PPP2R2B: variants seen among roughly 807,000 people sequenced by gnomAD.
PPP2R2B encodes protein phosphatase 2 regulatory subunit Bbeta.
PPP2R2B carries 5 observed loss-of-function variants against 46.0 expected under a neutral mutation model. That is an observed-to-expected ratio of 0.11 (90% confidence interval 0.06 to 0.23). The LOEUF is 0.23. Among genes scored for constraint, PPP2R2B ranks in the 10% least tolerant of loss-of-function variants. The pLI is 1.00. For missense variants in PPP2R2B, 367 were observed against 575.0 expected (o/e 0.64, Z 3.70); for synonymous variants, 215 against 206.7 (o/e 1.04, Z -0.34).
At chr5:146,748,649 G>C (rs1041173523) in intron 2 of PPP2R2B, among the ~76,000 whole-genome samples, 2 of 152,172 alleles carry the variant, frequency 1.3e-5, no homozygotes, top group African/African-American at 4.8e-5. Context: ...TTTGGAATTG[G>C]CTTTTTTTTC....
intron 1 of PPP2R2B, among the ~76,000 whole-genome samples, chr5:147,045,433 T>A (rs977299238): frequency 6.6e-6 from 1 of 152,138 alleles, no homozygotes; most frequent in African/African-American, 2.4e-5. Flanking sequence ...CAAAAGGCTA[T>A]ACCATATAGC....
intron 2 of PPP2R2B, among the ~76,000 whole-genome samples, chr5:146,770,071 G>A (rs1365443387): frequency 6.6e-6 from 1 of 152,102 alleles, no homozygotes; most frequent in Admixed American, 6.5e-5. Context: ...GCTCATGCCT[G>A]TAATCCTAGC....
chr5:146,689,365 T>C lies in PPP2R2B; in HGVS notation c.447+1763A>G, dbSNP rs34603081. ...CAATAACACTGGTTCCATAAGATTA[T>C]AATACTGTATTTGTACTGTGTCTTT... On this transcript the variant is annotated intron_variant, in intron 5 of 9. Coordinates refer to ENST00000394411, the MANE Select transcript of PPP2R2B (RefSeq NM_181675.4). Among the ~76,000 whole-genome samples, 1,301 of 152,354 alleles carry C rather than the reference T, an allele frequency of 8.5e-3. 8 individuals carry two copies. Among genetic ancestry groups the C allele is most frequent in the Admixed American group, 0.014 (214 of 15,304 alleles).
rs79855607 is a variant in PPP2R2B, at chr5:146,845,629, G to A, written c.70+32373C>T. ...GTAAGCTGAAGAACAGACACTGTGC[G>A]TGGTCAGCTCATGATTAGAGCTCCA... On this transcript the variant is annotated intron_variant, in intron 2 of 9. Coordinates refer to ENST00000394411, the MANE Select transcript of PPP2R2B (RefSeq NM_181675.4). Among the ~76,000 whole-genome samples, 179 of 152,276 alleles carry A rather than the reference G, an allele frequency of 1.2e-3. 4 individuals carry two copies. The South Asian group carries it at 0.028, about 23-fold the overall frequency.
chr5:146,685,432 A>G (rs1457507749), intron 5 of PPP2R2B, among the ~76,000 whole-genome samples: 1 of 152,242 alleles, frequency 6.6e-6, no homozygotes, highest in Non-Finnish European at 1.5e-5. Context: ...CACAGTTGCT[A>G]CTATTAGTAA....
At chr5:146,906,273 AAATT>A (rs1762992791) in intron 1 of PPP2R2B, among the ~76,000 whole-genome samples, 1 of 151,926 alleles carries the variant, frequency 6.6e-6, no homozygotes, top group Non-Finnish European at 1.5e-5. Flanking sequence ...TATATTATTA[AAATT>A]AATTTCACCT....
intron 5 of PPP2R2B, among the ~76,000 whole-genome samples, chr5:146,665,904 G>C (rs1048081679): frequency 3.3e-5 from 5 of 152,202 alleles, no homozygotes; most frequent in African/African-American, 1.2e-4. Flanking sequence ...ATGAGCACAT[G>C]CTGCTCGAAA....
chr5:146,923,565 A>G (rs1029319371), intron 1 of PPP2R2B, among the ~76,000 whole-genome samples: 1 of 152,210 alleles, frequency 6.6e-6, no homozygotes, highest in African/African-American at 2.4e-5. Context: ...GTTTGTCGGA[A>G]GCCCTTCTTG....
chr5:146,726,368 G>A (rs1360815511), intron 2 of PPP2R2B, among the ~76,000 whole-genome samples: 1 of 152,108 alleles, frequency 6.6e-6, no homozygotes, highest in Non-Finnish European at 1.5e-5. Context: ...GGACTTTTTG[G>A]CTCTAGCGAG....
chr5:146,764,873 TA>T (rs1442726879), intron 2 of PPP2R2B, among the ~76,000 whole-genome samples: 6 of 152,116 alleles, frequency 3.9e-5, no homozygotes, highest in African/African-American at 1.4e-4. Context: ...CTGCCCCATC[TA>T]AACCATCCTA....
intron 5 of PPP2R2B, among the ~76,000 whole-genome samples, chr5:146,670,080 G>A (rs538027202): frequency 6.6e-6 from 1 of 152,260 alleles, no homozygotes; most frequent in African/African-American, 2.4e-5. Flanking sequence ...ATTAGCATAG[G>A]AGTAAAGCTC....
intron 2 of PPP2R2B, among the ~76,000 whole-genome samples, chr5:146,745,764 C>G (rs139275263): frequency 6.6e-6 from 1 of 152,110 alleles, no homozygotes; most frequent in Non-Finnish European, 1.5e-5. Context: ...TCAAGAGCAG[C>G]CTGGACAACA....
At chr5:146,762,128 G>A (rs1754203489) in intron 2 of PPP2R2B, among the ~76,000 whole-genome samples, 2 of 152,190 alleles carry the variant, frequency 1.3e-5, no homozygotes, top group African/African-American at 2.4e-5. Flanking sequence ...CATACAACAT[G>A]CTCTTGGGAC....
At chr5:147,055,961 C>T in exon 1 of PPP2R2B, 3 of 1,383,546 alleles carry the variant, frequency 2.2e-6, no homozygotes, top group East Asian at 2.7e-5. Flanking sequence ...AGCTCAAACT[C>T]AGAAGCCCCC....
At chr5:147,052,127 G>A (rs1408233890) in intron 1 of PPP2R2B, among the ~76,000 whole-genome samples, 6 of 151,882 alleles carry the variant, frequency 4.0e-5, no homozygotes, top group Non-Finnish European at 2.9e-5. Context: ...GCTTCTGTTT[G>A]TATCTTCTTA....
chr5:147,035,042 A>T (rs1755968664), intron 1 of PPP2R2B: 1 of 449,994 alleles, frequency 2.2e-6, no homozygotes, highest in Non-Finnish European at 4.5e-6. Flanking sequence ...TTTGGTAGCA[A>T]TCTCTGAACT....
intron 1 of PPP2R2B, among the ~76,000 whole-genome samples, chr5:147,021,601 C>T (rs887771260): frequency 3.9e-5 from 6 of 152,148 alleles, no homozygotes; most frequent in Non-Finnish European, 4.4e-5. Context: ...AAGGCTATAC[C>T]TTAGCAGCAG....
upstream of PPP2R2B, among the ~76,000 whole-genome samples, chr5:147,059,935 A>C (rs1177337145): frequency 6.6e-6 from 1 of 152,172 alleles, no homozygotes; most frequent in Non-Finnish European, 1.5e-5. Context: ...CTTACAGAAA[A>C]GTTACCCTGA....
intron 4 of PPP2R2B, among the ~76,000 whole-genome samples, chr5:146,695,271 A>G (rs1200921730): frequency 6.6e-6 from 1 of 152,084 alleles, no homozygotes; most frequent in Admixed American, 6.5e-5. Context: ...CACTTTTATT[A>G]TTTTTGTTTT....
Sources: allele counts gnomAD v4.1 joint callset (sites outside exome capture counted in the v4.1 genomes callset), GRCh38; gene constraint gnomAD v4.1.1; transcripts MANE v1.5; gene names NCBI Gene and HGNC (gene_info 2026-07-23, HGNC 2026-07-21).